LPGAT1: variants seen among roughly 807,000 people sequenced by gnomAD.
LPGAT1 encodes the protein lysophosphatidylglycerol acyltransferase 1.
A neutral mutation model predicts 47.5 loss-of-function variants in LPGAT1; 11 were observed. That is an observed-to-expected ratio of 0.23 (90% CI 0.15 to 0.38). The LOEUF (loss-of-function observed/expected upper bound fraction) is 0.38. Among genes scored for constraint, LPGAT1 ranks in the 10% least tolerant of loss-of-function variants. LPGAT1 has a pLI of 1.00. For synonymous variants in LPGAT1, 138 were observed against 144.2 expected, an observed-to-expected ratio of 0.96 and a Z score of 0.31; for missense variants, 293 against 439.0, an observed-to-expected ratio of 0.67 and a Z score of 2.97.
intron 6 of LPGAT1, among the ~76,000 whole-genome samples, chr1:211,757,819 T>C (rs1387488718): frequency 6.6e-6 from 1 of 152,218 alleles, no homozygotes; most frequent in Non-Finnish European, 1.5e-5. Flanking sequence ...TTTTGAATTG[T>C]AAGAAATGCT....
chr1:211,771,335 C>T (rs181486574), intron 6 of LPGAT1, among the ~76,000 whole-genome samples: 1 of 152,136 alleles, frequency 6.6e-6, no homozygotes, highest in East Asian at 1.9e-4. Context: ...GATGAAATCA[C>T]CTAATTTCAC....
intron 6 of LPGAT1, among the ~76,000 whole-genome samples, chr1:211,777,738 G>T (rs992010862): frequency 1.3e-5 from 2 of 152,122 alleles, no homozygotes; most frequent in Non-Finnish European, 2.9e-5. Context: ...TCTATCACAG[G>T]TGTGTGAACC....
chr1:211,773,710 T>G (rs1415911167), intron 6 of LPGAT1, among the ~76,000 whole-genome samples: 11 of 152,196 alleles, frequency 7.2e-5, no homozygotes. Context: ...CTAATCATGT[T>G]TAATTTTCCT....
Position 211,819,984 on chromosome 1 carries a change from C to CA in LPGAT1, c.238+9074dup, listed in dbSNP as rs879614623. 9.9e-3 allele frequency among the ~76,000 whole-genome samples: 1,394 copies of CA among 141,326 alleles called. 21 individuals are homozygous for CA. The highest frequency in any genetic ancestry group is 0.028 in the African/African-American group (1,086 of 38,630). 92.7% of individuals were successfully genotyped at this position (141,326 alleles called of 152,430 possible). A position where few individuals can be genotyped will look rare whatever the true frequency, so the allele number is the denominator to read the frequency against. ...TGAGCAACAGAGTGAGACTCCGTCT[C>CA]AAAAAAAAAAAGGCAGGCAGGGGGG... On this transcript the variant is annotated intron_variant, in intron 2 of 7. Coordinates refer to ENST00000366997, the MANE Select transcript of LPGAT1 (RefSeq NM_014873.3).
intron 2 of LPGAT1, among the ~76,000 whole-genome samples, chr1:211,827,273 C>T (rs1421958465): frequency 1.3e-5 from 2 of 152,130 alleles, no homozygotes; most frequent in Non-Finnish European, 2.9e-5. Flanking sequence ...AGACCACATT[C>T]CAAGCAGGTG....
chr1:211,806,674 TA>T (rs1364249062), intron 2 of LPGAT1, among the ~76,000 whole-genome samples: 1 of 152,144 alleles, frequency 6.6e-6, no homozygotes, highest in East Asian at 1.9e-4. Context: ...ATTTAACAAA[TA>T]AAATTTTTTT....
In LPGAT1 at chr1:211,756,857, GT is replaced by G. The variant is rs528629982; in HGVS notation, c.855-5791del. ...TCCCTTCTACAACAGTGTTTGCTTTGTTTTTTTTTTTTTCTCTCTTTTTTTT... is the reference window on the plus strand; with the variant it reads ...TCCCTTCTACAACAGTGTTTGCTTTGTTTTTTTTTTTTCTCTCTTTTTTTT... On this transcript the variant is annotated intron_variant, in intron 6 of 7. Transcript: ENST00000366997. Among the ~76,000 whole-genome samples the G allele has an allele frequency of 4.1e-3, 540 of 130,720 alleles. 3 individuals carry two copies. The highest frequency in any genetic ancestry group is 0.013 in the African/African-American group (449 of 35,734). The allele number at this position is 130,720 out of a possible 152,430, so 85.8% of individuals were successfully genotyped here. A position where few individuals can be genotyped will look rare whatever the true frequency, so the allele number is the denominator to read the frequency against.
At chr1:211,811,434 A>G (rs888035889) in intron 2 of LPGAT1, among the ~76,000 whole-genome samples, 3 of 152,220 alleles carry the variant, frequency 2.0e-5, no homozygotes, top group Non-Finnish European at 4.4e-5. Context: ...GATGGAGGCT[A>G]GTTTGCTAAA....
chr1:211,785,006 T>C (rs936394687), intron 4 of LPGAT1, among the ~76,000 whole-genome samples: 1 of 152,054 alleles, frequency 6.6e-6, no homozygotes. Context: ...GATTTCACCG[T>C]GTTAGCCAGG....
In LPGAT1 at chr1:211,749,798, C is replaced by T. The variant is rs534341092; in HGVS notation, c.*101G>A. On this transcript the variant is annotated 3_prime_UTR_variant, in exon 8 of 8. Coordinates refer to ENST00000366997, the MANE Select transcript of LPGAT1 (RefSeq NM_014873.3). ...TAATCCATCCATTGAATTTCTTTTG[C>T]TTTTTTTTAAATATATTCTGATTTG... is the stretch of plus-strand genomic sequence containing the variant. The T allele has an allele frequency of 1.3e-5, 16 of 1,276,928 alleles. 1 individual carries two copies. The South Asian group carries it at 1.9e-4, about 15-fold the overall frequency. 79.1% of individuals were successfully genotyped at this position (1,276,928 alleles called of 1,614,324 possible).
At chr1:211,785,610 C>CTT (rs796577084) in intron 4 of LPGAT1, among the ~76,000 whole-genome samples, 2,489 of 140,832 alleles carry the variant, frequency 0.018, 67 homozygotes, top group African/African-American at 0.062. Context: ...AATTTAGCCT[C>CTT]TTTTTTTTTT....
intron 4 of LPGAT1, among the ~76,000 whole-genome samples, chr1:211,784,043 C>T (rs1482460592): frequency 6.6e-6 from 1 of 152,070 alleles, no homozygotes; most frequent in Non-Finnish European, 1.5e-5. Context: ...CATAATATTC[C>T]AGGTGACAAA....
In LPGAT1 at chr1:211,748,162, T is replaced by C. The variant is rs1368720233; in HGVS notation, c.*1737A>G. The C allele has an allele frequency of 6.5e-6, 1 of 152,722 alleles. No individual in the cohort carries two copies. The highest frequency in any genetic ancestry group is 2.1e-4 in the South Asian group (1 of 4,822). 9.5% of individuals were successfully genotyped at this position (152,722 alleles called of 1,614,324 possible). ...CTACTTCTCAAAATTGTTGTGTGAT[T>C]AGTGACAACGGGGGAATCTACAATG... is the stretch of plus-strand genomic sequence containing the variant. On this transcript the variant is annotated 3_prime_UTR_variant, in exon 8 of 8. Coordinates refer to ENST00000366997, the MANE Select transcript of LPGAT1 (RefSeq NM_014873.3).
At chr1:211,814,885 G>T (rs890838226) in intron 2 of LPGAT1, among the ~76,000 whole-genome samples, 1 of 152,118 alleles carries the variant, frequency 6.6e-6, no homozygotes, top group Non-Finnish European at 1.5e-5. Flanking sequence ...TACAATAAAA[G>T]ATATGTCAGC....
intron 2 of LPGAT1, among the ~76,000 whole-genome samples, chr1:211,812,717 T>G (rs988726875): frequency 5.9e-5 from 9 of 152,188 alleles, no homozygotes; most frequent in African/African-American, 2.2e-4. Flanking sequence ...CTCGAGTCCT[T>G]GTGTAACAGA....
At chr1:211,798,440 T>C (rs1365559968) in intron 2 of LPGAT1, among the ~76,000 whole-genome samples, 1 of 152,140 alleles carries the variant, frequency 6.6e-6, no homozygotes, top group East Asian at 1.9e-4. Flanking sequence ...ATCCCAGCAC[T>C]CTGGGAGGCC....
intron 2 of LPGAT1, among the ~76,000 whole-genome samples, chr1:211,825,664 GA>G (rs1237390091): frequency 6.6e-6 from 1 of 152,140 alleles, no homozygotes; most frequent in Non-Finnish European, 1.5e-5. Context: ...TCCTACTAAA[GA>G]AAATGTGAAA....
chr1:211,801,092 A>C (rs1659554847), intron 2 of LPGAT1, among the ~76,000 whole-genome samples: 1 of 152,250 alleles, frequency 6.6e-6, no homozygotes, highest in Non-Finnish European at 1.5e-5. Flanking sequence ...TCTCACTCTT[A>C]AAACAAGAAC....
At chr1:211,781,481 C>A (rs1334958328) in intron 5 of LPGAT1, among the ~76,000 whole-genome samples, 1 of 152,136 alleles carries the variant, frequency 6.6e-6, no homozygotes, top group African/African-American at 2.4e-5. Context: ...TCTGAACTTT[C>A]CTTTTCTATT....
Sources: gnomAD v4.1 joint callset for allele counts (sites outside exome capture counted in the v4.1 genomes callset) on GRCh38, gnomAD v4.1.1 for gene constraint, MANE v1.5 for transcripts, NCBI Gene and HGNC (gene_info 2026-07-23, HGNC 2026-07-21) for gene names.